Variants in SFMBT1 observed in about 807,000 individuals in gnomAD.
SFMBT1 encodes scm-like with four MBT domains protein 1.
Under a neutral mutation model 108.7 loss-of-function variants are expected in SFMBT1, and 32 were observed. The ratio of observed to expected loss-of-function variants is 0.29; its 90% CI spans 0.22 to 0.40. SFMBT1 has a LOEUF of 0.40. SFMBT1 is among the 10% of genes least tolerant of loss of function. The pLI, the probability that SFMBT1 is intolerant of heterozygous loss-of-function variation, is 1.00. For missense variants in SFMBT1, 816 were observed against 1,059.6 expected, an observed-to-expected ratio of 0.77 and a Z score of 3.19; for synonymous variants, 348 against 369.5, an observed-to-expected ratio of 0.94 and a Z score of 0.67.
chr3:52,987,767 C>T (rs537280402), intron 1 of SFMBT1, among the ~76,000 whole-genome samples: 61 of 152,194 alleles, frequency 4.0e-4, no homozygotes, highest in African/African-American at 1.3e-3. Flanking sequence ...GGTGAGTAAC[C>T]AAGAGTCTGG....
chr3:53,040,967 A>ATTTTTTTTT (rs1559560284), intron 1 of SFMBT1, among the ~76,000 whole-genome samples: 3 of 72,834 alleles, frequency 4.1e-5, no homozygotes, highest in Non-Finnish European at 9.1e-5. Flanking sequence ...AAGACACCTG[A>ATTTTTTTTT]ATTTTTTTTT....
At chr3:53,038,501 G>C (rs1012644185) in intron 1 of SFMBT1, among the ~76,000 whole-genome samples, 5 of 152,018 alleles carry the variant, frequency 3.3e-5, no homozygotes, top group Non-Finnish European at 5.9e-5. Flanking sequence ...CCTCCCCCCG[G>C]TAACAAACAG....
At chr3:52,924,621 G>A (rs1020126406) in intron 10 of SFMBT1, among the ~76,000 whole-genome samples, 5 of 151,372 alleles carry the variant, frequency 3.3e-5, no homozygotes, top group East Asian at 2.0e-4. Context: ...CAGCCTGGGC[G>A]ACAAGAGCAA....
chr3:53,034,586 AAATT>A (rs967998096), intron 1 of SFMBT1, among the ~76,000 whole-genome samples: 93 of 152,144 alleles, frequency 6.1e-4, no homozygotes, highest in African/African-American at 2.1e-3. Flanking sequence ...AAAAATAAAT[AAATT>A]AATTAATTAA....
intron 1 of SFMBT1, among the ~76,000 whole-genome samples, chr3:52,995,221 A>G (rs1489100229): frequency 6.7e-6 from 1 of 149,984 alleles, no homozygotes; most frequent in African/African-American, 2.4e-5. Flanking sequence ...TTTTCAACAA[A>G]TGGTACAGAA....
At chr3:52,933,944 T>C (rs765424189) in intron 5 of SFMBT1, among the ~76,000 whole-genome samples, 3 of 152,116 alleles carry the variant, frequency 2.0e-5, no homozygotes, top group African/African-American at 7.2e-5. Context: ...AACCATAGAA[T>C]GGGAAAACAT....
intron 1 of SFMBT1, among the ~76,000 whole-genome samples, chr3:53,039,845 G>A (rs1201795432): frequency 1.3e-5 from 2 of 151,950 alleles, no homozygotes; most frequent in Admixed American, 6.6e-5. Context: ...TAAGTTCCAG[G>A]ATACATGTGC....
chr3:52,935,673 CAAT>C (rs1397361794), intron 4 of SFMBT1, among the ~76,000 whole-genome samples: 3 of 152,152 alleles, frequency 2.0e-5, no homozygotes, highest in East Asian at 3.9e-4. Flanking sequence ...AAAAAATTAA[CAAT>C]AATTCCTTAA....
At position 52,951,908 on chromosome 3, in the gene SFMBT1, G is replaced by T. The variant is rs75446298; in HGVS notation, c.123+2409C>A. On this transcript the variant is annotated intron_variant, in intron 3 of 20. Transcript: ENST00000394752. The stretch of plus-strand genomic sequence containing the variant: ...TGGCCAGTTTTGGGGCCAGTTTATG[G>T]CCAGACTTTGAGGGGCTTGCTCCCA... Among the ~76,000 whole-genome samples the T allele has an allele frequency of 1.5e-3, 232 of 152,250 alleles. 8 individuals carry two copies. The East Asian group carries it at 0.04, about 27-fold the overall frequency.
intron 1 of SFMBT1, among the ~76,000 whole-genome samples, chr3:53,022,623 T>C (rs1020755519): frequency 2.0e-5 from 3 of 152,180 alleles, no homozygotes; most frequent in African/African-American, 7.2e-5. Flanking sequence ...TGGATGAACC[T>C]GGATGATACT....
intron 1 of SFMBT1, among the ~76,000 whole-genome samples, chr3:52,987,096 T>C (rs1205826484): frequency 6.6e-6 from 1 of 152,212 alleles, no homozygotes; most frequent in Non-Finnish European, 1.5e-5. Flanking sequence ...CTCCACATCC[T>C]GTCCCACTGG....
intron 1 of SFMBT1, among the ~76,000 whole-genome samples, chr3:53,023,647 G>A (rs1699387110): frequency 6.6e-6 from 1 of 152,140 alleles, no homozygotes; most frequent in Admixed American, 6.5e-5. Flanking sequence ...GCTCCCATTA[G>A]GCTCTGGCAG....
intron 1 of SFMBT1, among the ~76,000 whole-genome samples, chr3:53,004,741 C>A (rs1426944377): frequency 6.7e-6 from 1 of 149,970 alleles, no homozygotes; most frequent in Non-Finnish European, 1.5e-5. Flanking sequence ...CCCCTAAAGC[C>A]TTCAGGAGCC....
intron 8 of SFMBT1, among the ~76,000 whole-genome samples, chr3:52,930,087 C>T (rs973858360): frequency 3.9e-5 from 6 of 152,302 alleles, no homozygotes; most frequent in Middle Eastern, 3.4e-3. Flanking sequence ...CCAAAGAATG[C>T]GTCCCCTACT....
chr3:52,967,499 G>C (rs1286375206), intron 2 of SFMBT1, among the ~76,000 whole-genome samples: 1 of 152,048 alleles, frequency 6.6e-6, no homozygotes, highest in Non-Finnish European at 1.5e-5. Context: ...AAAACTTTGT[G>C]AATAGACTAA....
chr3:52,910,984 T>C lies in SFMBT1; in HGVS notation c.1906+19A>G, dbSNP rs1409179109. ...ATGGTCAGCTGCTATGGTTAACACA[T>C]TGGAAAAACATGACTCACTGTATTT... On this transcript the variant is annotated intron_variant, in intron 17 of 20. Coordinates refer to ENST00000394752, the MANE Select transcript of SFMBT1 (RefSeq NM_016329.4). 4 of 1,613,134 alleles carry C rather than the reference T, an allele frequency of 2.5e-6. No individual in the cohort carries two copies. The African/African-American group carries it at 4.0e-5, about 16-fold the overall frequency.
chr3:52,968,664 A>G (rs927488903), intron 2 of SFMBT1, among the ~76,000 whole-genome samples: 8 of 145,686 alleles, frequency 5.5e-5, no homozygotes, highest in Non-Finnish European at 1.2e-4. Context: ...CAGTGGCGCG[A>G]TCCTGGCTCA....
intron 4 of SFMBT1, among the ~76,000 whole-genome samples, chr3:52,936,947 T>C (rs908520633): frequency 1.9e-4 from 28 of 147,716 alleles, no homozygotes; most frequent in African/African-American, 5.2e-4. Flanking sequence ...GTTCACGCCA[T>C]TCTCCTGCCT....
chr3:52,932,238 T>A lies in SFMBT1; in HGVS notation c.524A>T (p.Asp175Val), dbSNP rs1479097241. Residue 175 changes from aspartate (D) to valine (V), a missense_variant, in exon 6 of 21, where the codon GAC becomes GTC. By Grantham distance (152) the Asp-to-Val change is radical (BLOSUM62 -3). Coordinates refer to ENST00000394752, the MANE Select transcript of SFMBT1 (RefSeq NM_016329.4). ...AGTAACAATCCAAGTGCTTAAAGAG[T>A]CCTGGAAAGCTTGACATTCTAGTCT... ...GSRLECQAFQ[D>V]SLSTWIVTVV... 1 of 1,614,048 alleles carries A rather than the reference T, an allele frequency of 6.2e-7. No individual in the cohort carries two copies. Among genetic ancestry groups the A allele is most frequent in the Admixed American group, 1.7e-5 (1 of 60,022 alleles).
Sources: allele counts gnomAD v4.1 joint callset (sites outside exome capture counted in the v4.1 genomes callset), GRCh38; gene constraint gnomAD v4.1.1; transcripts MANE v1.5; gene names NCBI Gene and HGNC (gene_info 2026-07-23, HGNC 2026-07-21).